The following NUP214 variants were observed in gnomAD, a reference collection of about 807,000 sequenced individuals.
NUP214 encodes the protein nucleoporin 214.
NUP214 carries 79 observed loss-of-function variants against 196.2 expected under a neutral mutation model. The observed-to-expected ratio is 0.40, with a 90% confidence interval of 0.34 to 0.49. The LOEUF is 0.49. Among genes scored for constraint, NUP214 ranks in the 20% least tolerant of loss-of-function variants. The pLI is 0.58. For missense variants in NUP214, 2,468 were observed against 2,539.0 expected, an observed-to-expected ratio of 0.97 and a Z score of 0.60; for synonymous variants, 1,020 against 990.5, an observed-to-expected ratio of 1.03 and a Z score of -0.56.
intron 31 of NUP214, among the ~76,000 whole-genome samples, chr9:131,221,895 ATC>A (rs1834567750): frequency 1.3e-5 from 2 of 151,226 alleles, no homozygotes; most frequent in Non-Finnish European, 2.9e-5. Flanking sequence ...GTGCTATATT[ATC>A]TGAGTGACAG....
intron 26 of NUP214, chr9:131,190,927 C>T (rs1387588340): frequency 6.5e-6 from 1 of 152,974 alleles, no homozygotes; most frequent in African/African-American, 2.4e-5. Context: ...GAGCTGTCTA[C>T]AACCTCATTG....
chr9:131,146,105 G>A lies in NUP214; in HGVS notation c.1770-24G>A. ...AGAATCTTCTAGCAGGCTCTTCTGA[G>A]GCCTTCAGGCTGCCATTTTTCAGGT... On this transcript the variant is annotated intron_variant, in intron 12 of 35. Transcript: ENST00000359428. The surrounding 1 kb of genome is among the most constrained non-coding windows in gnomAD (Gnocchi z 4.6). The A allele has an allele frequency of 1.2e-6, 2 of 1,612,766 alleles. No homozygotes were observed. Among genetic ancestry groups the A allele is most frequent in the Non-Finnish European group, 1.7e-6 (2 of 1,178,974 alleles).
chr9:131,130,848 T>C lies in NUP214; in HGVS notation c.663+12T>C, dbSNP rs766505348. ...TCCAGTATCTTCCTGTAAGTTCTTA[T>C]CTTGAACTTCAGAATTTTTCTTAAG... On this transcript the variant is annotated intron_variant, in intron 5 of 35. Coordinates refer to ENST00000359428, the MANE Select transcript of NUP214 (RefSeq NM_005085.4). The C allele has an allele frequency of 3.7e-6, 6 of 1,610,998 alleles. No individual in the cohort carries two copies. In the African/African-American group the frequency reaches 6.7e-5, roughly 18 times the overall value.
intron 11 of NUP214, among the ~76,000 whole-genome samples, chr9:131,143,165 C>G (rs996461167): frequency 2.0e-5 from 3 of 152,100 alleles, no homozygotes; most frequent in Non-Finnish European, 4.4e-5. Flanking sequence ...AGCCATCACA[C>G]CTGGCTGATT....
At chr9:131,228,540 A>G (rs1244864592) in intron 33 of NUP214, 2 of 467,202 alleles carry the variant, frequency 4.3e-6, no homozygotes, top group East Asian at 3.8e-5. Flanking sequence ...GGTGGACCTC[A>G]GCTGTGTTGC....
chr9:131,152,271 A>G (rs371280163), intron 17 of NUP214, among the ~76,000 whole-genome samples: 1 of 152,018 alleles, frequency 6.6e-6, no homozygotes, highest in Non-Finnish European at 1.5e-5. Context: ...GTGCCACCAC[A>G]CTTGGCTAAT....
intron 9 of NUP214, among the ~76,000 whole-genome samples, chr9:131,137,172 A>G (rs1341760384): frequency 2.0e-5 from 3 of 152,250 alleles, no homozygotes; most frequent in Non-Finnish European, 4.4e-5. Flanking sequence ...ATGTTCACAC[A>G]TTAAAAATGC....
intron 31 of NUP214, among the ~76,000 whole-genome samples, chr9:131,219,165 A>G (rs1834485855): frequency 6.6e-6 from 1 of 152,118 alleles, no homozygotes; most frequent in African/African-American, 2.4e-5. Flanking sequence ...TTCTTACAAC[A>G]GTGCTTTTAG....
chr9:131,214,579 A>C (rs1834340446), intron 30 of NUP214, among the ~76,000 whole-genome samples: 2 of 152,208 alleles, frequency 1.3e-5, no homozygotes, highest in Non-Finnish European at 2.9e-5. Context: ...CAGAGAAGTT[A>C]AGTGTCTGGG....
intron 25 of NUP214, among the ~76,000 whole-genome samples, chr9:131,188,838 A>G (rs1055646961): frequency 6.6e-6 from 1 of 152,214 alleles, no homozygotes; most frequent in African/African-American, 2.4e-5. Context: ...GAGCTTGCAG[A>G]GTATTTCTAT....
At chr9:131,140,405 A>T in intron 10 of NUP214, 144 bp from the exon 11 acceptor site, 1 of 640,896 alleles carries the variant, frequency 1.6e-6, no homozygotes, top group Non-Finnish European at 2.6e-6. Flanking sequence ...AAGGCTGTTC[A>T]GATATAAAAT....
intron 8 of NUP214, 47 bp from the exon 9 acceptor site, chr9:131,135,893 A>G (rs1831711379): frequency 6.6e-7 from 1 of 1,513,470 alleles, no homozygotes; most frequent in South Asian, 1.1e-5. Context: ...TTAGCTTAGA[A>G]CTATTGCTGT....
chr9:131,187,152 A>G (rs1409511472), intron 24 of NUP214, 137 bp from the exon 25 acceptor site: 2 of 642,000 alleles, frequency 3.1e-6, no homozygotes, highest in East Asian at 5.5e-5. Context: ...ATGTCAAATC[A>G]GTTGTATTGG....
rs1324262911 is a variant in NUP214, at chr9:131,163,894, G to A, written c.2748G>A (p.Leu916=). 2.5e-6 allele frequency: 4 copies of A among 1,613,982 alleles called. No individual in the cohort carries two copies. In the African/African-American group the frequency reaches 4.0e-5, roughly 16 times the overall value. ...IHSFDSDLES[L]CNALLKTTIE... The stretch of plus-strand genomic sequence containing the variant: ...GTTTTGACAGTGACCTGGAAAGCCT[G>A]TGCAATGCTTTGTTGAAAACCACCA... The change falls in exon 20 of 36, where the codon CTG becomes CTA. Residue 916 remains leucine (L), a synonymous_variant. Coordinates refer to ENST00000359428, the MANE Select transcript of NUP214 (RefSeq NM_005085.4).
chr9:131,162,585 A>G lies in NUP214; in HGVS notation c.2541-406A>G, dbSNP rs559739135. Among the ~76,000 whole-genome samples, 26 of 152,046 alleles carry G rather than the reference A, an allele frequency of 1.7e-4. 1 individual carries two copies. The highest frequency in any genetic ancestry group is 5.1e-4 in the African/African-American group (21 of 41,486). On this transcript the variant is annotated intron_variant, in intron 18 of 35. Transcript: ENST00000359428. ...TAGTCTGAAGAATTAACTGACTCCC[A>G]TAGACTTCCAGTGAACCTTTTTTTT...
At chr9:131,219,810 A>G (rs1834509191) in intron 31 of NUP214, among the ~76,000 whole-genome samples, 1 of 152,220 alleles carries the variant, frequency 6.6e-6, no homozygotes, top group Non-Finnish European at 1.5e-5. Flanking sequence ...GGGTCCCTCT[A>G]CAACTGTTCT....
In NUP214 at chr9:131,140,561, C is replaced by T; in HGVS notation, c.1145C>T (p.Thr382Ile). The T allele has an allele frequency of 6.2e-7, 1 of 1,608,410 alleles. No homozygotes were observed. The highest frequency in any genetic ancestry group is 8.5e-7 in the Non-Finnish European group (1 of 1,178,432). Residue 382 changes from threonine to isoleucine, a missense_variant, in exon 11 of 36, where the codon ACT becomes ATT. Thr to Ile is a moderately conservative substitution (Grantham distance 89). Around this residue, in one of 5 missense-constraint regions of NUP214, gnomAD observed 1,801 missense variants for 1,779.4 expected, o/e 1.01. Coordinates refer to ENST00000359428, the MANE Select transcript of NUP214 (RefSeq NM_005085.4). ...QVEITISDEK[T>I]LPPAPVLMLL... ...TCTTTTTTAACAGGTGATGAAAAGA[C>T]TCTTCCTCCTGCTCCAGTTCTCATG...
intron 7 of NUP214, 95 bp downstream of exon 7, chr9:131,133,304 GTTTT>G (rs751108620): frequency 1.4e-3 from 575 of 420,212 alleles, no homozygotes; most frequent in South Asian, 2.4e-3. Context: ...TTGTGTTTGT[GTTTT>G]TTTTTTTTTT....
At chr9:131,141,288 CT>C (rs1249506873) in intron 11 of NUP214, among the ~76,000 whole-genome samples, 1 of 151,912 alleles carries the variant, frequency 6.6e-6, no homozygotes, top group Non-Finnish European at 1.5e-5. Flanking sequence ...ATTTTCTTGA[CT>C]TTTTTTCTCC....
Sources: gnomAD v4.1 joint callset for allele counts (sites outside exome capture counted in the v4.1 genomes callset) on GRCh38, gnomAD v4.1.1 for gene constraint, gnomAD v4.1.1 regional missense constraint, Gnocchi (gnomAD v3.1) non-coding constraint, MANE v1.5 for transcripts, NCBI Gene and HGNC (gene_info 2026-07-23, HGNC 2026-07-21) for gene names.